Variants in ARHGEF28 observed in about 807,000 individuals in gnomAD.
The protein encoded by ARHGEF28 is Rho guanine nucleotide exchange factor 28.
A neutral mutation model predicts 206.6 loss-of-function variants in ARHGEF28; 152 were observed. That is an observed-to-expected ratio of 0.74 (90% CI 0.64 to 0.84). The LOEUF is 0.84. Ranked by LOEUF, ARHGEF28 falls within the 40% of genes least tolerant of loss-of-function variation. The pLI is 0.00. For synonymous variants in ARHGEF28, 763 were observed against 776.4 expected (o/e 0.98, Z 0.29); for missense variants, 2,028 against 2,073.2 (o/e 0.98, Z 0.42).
At chr5:73,676,658 A>G (rs990207530) in intron 1 of ARHGEF28, among the ~76,000 whole-genome samples, 2 of 152,186 alleles carry the variant, frequency 1.3e-5, no homozygotes, top group African/African-American at 4.8e-5. Flanking sequence ...GGACACTGTT[A>G]TCTTTGAGAC....
intron 2 of ARHGEF28, among the ~76,000 whole-genome samples, chr5:73,722,015 G>C (rs1749983843): frequency 6.6e-6 from 1 of 152,156 alleles, no homozygotes; most frequent in South Asian, 2.1e-4. Context: ...TATCTAATGA[G>C]TATATCTGGG....
intron 1 of ARHGEF28, among the ~76,000 whole-genome samples, chr5:73,626,655 A>C (rs1344869667): frequency 6.6e-6 from 1 of 152,138 alleles, no homozygotes; most frequent in Non-Finnish European, 1.5e-5. Context: ...AGGGAAATAA[A>C]CAGCACTCCT....
intron 2 of ARHGEF28, among the ~76,000 whole-genome samples, chr5:73,726,186 C>G (rs576159350): frequency 6.6e-6 from 1 of 152,260 alleles, no homozygotes; most frequent in South Asian, 2.1e-4. Context: ...AAATACCCCT[C>G]AGTGAAAAGC....
intron 1 of ARHGEF28, among the ~76,000 whole-genome samples, chr5:73,627,951 C>T (rs1419644931): frequency 2.6e-5 from 4 of 151,936 alleles, no homozygotes; most frequent in African/African-American, 7.3e-5. Context: ...GTATAGCAGG[C>T]GTGTCATTAG....
chr5:73,892,089 T>C lies in ARHGEF28; in HGVS notation c.3425T>C (p.Ile1142Thr), dbSNP rs752120410. ...TCAGTTATTTCCCTTCAAAAGCTTA[T>C]TGCTAGAGAAGTTGCTAATGAGGAG... The part of the protein sequence containing the change: ...KPSVISLQKL[I>T]AREVANEERG... The change falls in exon 27 of 36, where the codon ATT (isoleucine) becomes ACT (threonine). Residue 1142 changes from isoleucine to threonine, a missense_variant. By Grantham distance (89) the Ile-to-Thr change is moderately conservative. Coordinates refer to ENST00000513042, the MANE Select transcript of ARHGEF28 (RefSeq NM_001177693.2). The C allele has an allele frequency of 1.9e-6, 3 of 1,601,310 alleles. No homozygotes were observed. The highest frequency in any genetic ancestry group is 1.1e-5 in the South Asian group (1 of 88,148).
At chr5:73,742,032 C>T (rs573891633) in intron 2 of ARHGEF28, among the ~76,000 whole-genome samples, 1 of 152,208 alleles carries the variant, frequency 6.6e-6, no homozygotes, top group Non-Finnish European at 1.5e-5. Flanking sequence ...ATGATATTAT[C>T]TTCTTCAACT....
rs951051430 is a variant in ARHGEF28 at position 73,730,536 on chromosome 5, T to G, written c.34-19301T>G. Among the ~76,000 whole-genome samples the G allele has an allele frequency of 5.1e-3, 467 of 91,804 alleles. 1 individual carries two copies. Among genetic ancestry groups the G allele is most frequent in the African/African-American group, 0.019 (445 of 23,020 alleles). 60.2% of individuals were successfully genotyped at this position (91,804 alleles called of 152,430 possible). On this transcript the variant is annotated intron_variant, in intron 2 of 35. Coordinates refer to ENST00000513042, the MANE Select transcript of ARHGEF28 (RefSeq NM_001177693.2). ...TCAAACTGTCCACCATAAGGAGGAT[T>G]TTTTTTTTTTTTTTTTTTGTCAGGG... is the stretch of plus-strand genomic sequence containing the variant.
intron 15 of ARHGEF28, 34 bp from the exon 16 acceptor site, chr5:73,858,053 C>G (rs1471984769): frequency 1.9e-5 from 30 of 1,566,480 alleles, no homozygotes; most frequent in Non-Finnish European, 2.0e-5. Context: ...TCTCATTTTT[C>G]CCCACTTTCC....
At chr5:73,902,852 G>T (rs1762347590) in intron 31 of ARHGEF28, 1 of 152,130 alleles carries the variant, frequency 6.6e-6, no homozygotes, top group African/African-American at 2.4e-5. Context: ...CATTTCTATG[G>T]TTCTAATTTT....
At chr5:73,774,377 A>G (rs1352469598) in intron 5 of ARHGEF28, among the ~76,000 whole-genome samples, 3 of 152,210 alleles carry the variant, frequency 2.0e-5, no homozygotes, top group Non-Finnish European at 2.9e-5. Flanking sequence ...AATAAGAGTA[A>G]CATTATGACT....
At chr5:73,906,248 TA>T (rs1322129975) in intron 33 of ARHGEF28, among the ~76,000 whole-genome samples, 14 of 152,228 alleles carry the variant, frequency 9.2e-5, no homozygotes, top group African/African-American at 3.1e-4. Flanking sequence ...TTTATTTATT[TA>T]TTTTTTTGAG....
intron 1 of ARHGEF28, among the ~76,000 whole-genome samples, chr5:73,652,742 T>C (rs922141268): frequency 6.6e-6 from 1 of 152,232 alleles, no homozygotes; most frequent in African/African-American, 2.4e-5. Flanking sequence ...CTTCCACAGA[T>C]CTCACTTAAT....
intron 22 of ARHGEF28, among the ~76,000 whole-genome samples, chr5:73,882,162 A>G (rs555930083): frequency 6.6e-6 from 1 of 152,320 alleles, no homozygotes; most frequent in East Asian, 1.9e-4. Context: ...TATTAAAACT[A>G]TAAATTGAAA....
chr5:73,716,824 C>T (rs1025616874), intron 2 of ARHGEF28, among the ~76,000 whole-genome samples: 1 of 152,004 alleles, frequency 6.6e-6, no homozygotes, highest in Non-Finnish European at 1.5e-5. Context: ...TTTAGTTAAA[C>T]TAAATACTAG....
At chr5:73,831,459 A>C (rs1757296484) in intron 9 of ARHGEF28, among the ~76,000 whole-genome samples, 1 of 152,218 alleles carries the variant, frequency 6.6e-6, no homozygotes, top group Non-Finnish European at 1.5e-5. Context: ...GCAAGCATAA[A>C]CATTTCCGTA....
rs143441762 is a variant in ARHGEF28 at position 73,781,849 on chromosome 5, A to T, written c.910+1104A>T. ...CATGAAGATAAGGTTATATGTATCT[A>T]GGGGGTAGAGTTATGTGATCTACTA... On this transcript the variant is annotated intron_variant, in intron 7 of 35. Coordinates refer to ENST00000513042, the MANE Select transcript of ARHGEF28 (RefSeq NM_001177693.2). Among the ~76,000 whole-genome samples, 4 of 152,264 alleles carry T rather than the reference A, an allele frequency of 2.6e-5. No individual in the cohort carries two copies. The East Asian group carries it at 7.7e-4, about 29-fold the overall frequency.
chr5:73,659,934 T>C (rs547628837), intron 1 of ARHGEF28, among the ~76,000 whole-genome samples: 2 of 152,298 alleles, frequency 1.3e-5, no homozygotes, highest in East Asian at 3.9e-4. Context: ...TGCCTTGATG[T>C]TGATGGCTGC....
At chr5:73,859,907 A>G (rs1759287030) in intron 16 of ARHGEF28, among the ~76,000 whole-genome samples, 2 of 152,126 alleles carry the variant, frequency 1.3e-5, no homozygotes, top group Non-Finnish European at 2.9e-5. Context: ...TGTCTCTGCC[A>G]TTTCTTCATT....
intron 1 of ARHGEF28, among the ~76,000 whole-genome samples, chr5:73,645,160 C>T (rs1182565964): frequency 6.6e-6 from 1 of 151,902 alleles, no homozygotes; most frequent in African/African-American, 2.4e-5. Context: ...TTAAAAAAAT[C>T]AAATTATTAA....
Sources: gnomAD v4.1 joint callset for allele counts (sites outside exome capture counted in the v4.1 genomes callset) on GRCh38, gnomAD v4.1.1 for gene constraint, MANE v1.5 for transcripts, NCBI Gene and HGNC (gene_info 2026-07-23, HGNC 2026-07-21) for gene names.